Variants in ATP8B3 observed in about 807,000 individuals in gnomAD.
The protein encoded by ATP8B3 is ATPase phospholipid transporting 8B3, also known as phospholipid-transporting ATPase IK.
In ATP8B3, 141 loss-of-function variants were observed where a neutral mutation model predicts 140.9. That is an observed-to-expected ratio of 1.00 (90% CI 0.87 to 1.15). The LOEUF is 1.15. Among genes scored for constraint, ATP8B3 ranks in the 50% most tolerant of loss-of-function variants. The pLI is 0.00. For synonymous variants in ATP8B3, 765 were observed against 714.6 expected, an observed-to-expected ratio of 1.07 and a Z score of -1.13; for missense variants, 1,874 against 1,740.6, an observed-to-expected ratio of 1.08 and a Z score of -1.36.
intron 4 of ATP8B3, among the ~76,000 whole-genome samples, 150 bp downstream of exon 4, chr19:1,809,489 AAAAG>A (rs1275050312): frequency 2.0e-5 from 3 of 152,028 alleles, no homozygotes; most frequent in Middle Eastern, 3.2e-3. Flanking sequence ...TCAAAAAAAA[AAAAG>A]AAAGAAAGAA....
In ATP8B3 at chr19:1,796,796, G is replaced by A. The variant is rs369043090; in HGVS notation, c.1668C>T (p.Asn556=). 5.3e-5 allele frequency: 86 copies of A among 1,612,418 alleles called. No homozygotes were observed. The highest frequency in any genetic ancestry group is 1.5e-4 in the South Asian group (14 of 91,076). ...AGAACTCCCGCACGGCCTCGTCCCCGTTGGTCCGCACGAGGTGCAGCAGGG... is the reference window on the plus strand; with the variant it reads ...AGAACTCCCGCACGGCCTCGTCCCCATTGGTCCGCACGAGGTGCAGCAGGG... The part of the protein sequence containing the change: ...NAALLHLVRT[N]GDEAVREFWR... The change falls in exon 16 of 29, where the codon AAC becomes AAT. Residue 556 remains asparagine (N), a synonymous_variant. Coordinates refer to ENST00000310127, the MANE Select transcript of ATP8B3 (RefSeq NM_138813.4).
At chr19:1,792,536 C>T (rs113452714) in intron 18 of ATP8B3, among the ~76,000 whole-genome samples, 11,913 of 148,542 alleles carry the variant, frequency 0.08, 1,321 homozygotes, top group African/African-American at 0.25. Flanking sequence ...GCTGAGATCA[C>T]ACCACTGCAC....
In ATP8B3 at chr19:1,806,199, C is replaced by A; in HGVS notation, c.678-30G>T. 6.4e-7 allele frequency: 1 copy of A among 1,562,438 alleles called. No individual in the cohort carries two copies. The highest frequency in any genetic ancestry group is 1.2e-5 in the South Asian group (1 of 85,130). ...GGGGAGAGGGGGTTGTGAAGGAGGC[C>A]CCTCCCTCTGCCAACCCTCCCCACA... On this transcript the variant is annotated intron_variant, in intron 7 of 28. Coordinates refer to ENST00000310127, the MANE Select transcript of ATP8B3 (RefSeq NM_138813.4). This position sits in a 1 kb window ranked among gnomAD's most constrained non-coding sequence, Gnocchi z 5.6.
In ATP8B3 at chr19:1,789,797, C is replaced by A. The variant is rs1471624883; in HGVS notation, c.2479-70G>T. The A allele has an allele frequency of 2.6e-6, 4 of 1,568,496 alleles. No individual in the cohort carries two copies. The African/African-American group carries it at 4.0e-5, about 16-fold the overall frequency. ...GCCAGACTGGACCCTACCCGGCCCT[C>A]GGCCTCGCCAGCAGTCCCCACCCCG... On this transcript the variant is annotated intron_variant, in intron 22 of 28. Coordinates refer to ENST00000310127, the MANE Select transcript of ATP8B3 (RefSeq NM_138813.4).
chr19:1,811,961 G>GC, intron 1 of ATP8B3, 77 bp from the exon 2 acceptor site: 2 of 570,718 alleles, frequency 3.5e-6, no homozygotes, highest in South Asian at 2.5e-5. Context: ...TTACTCGGAA[G>GC]CCCCCCACCC....
rs1386529667 is a variant in ATP8B3 at position 1,806,720 on chromosome 19, C to T, written c.616-31G>A. 7.1e-6 allele frequency: 11 copies of T among 1,550,408 alleles called. No homozygotes were observed. The highest frequency in any genetic ancestry group is 1.7e-4 in the Middle Eastern group (1 of 5,986). ...CCAGGAGGGAAAGGATCAGAGAGAC[C>T]GTCCAGCCTCTCCTGCCCCCGCCCA... On this transcript the variant is annotated intron_variant, in intron 6 of 28. Coordinates refer to ENST00000310127, the MANE Select transcript of ATP8B3 (RefSeq NM_138813.4). The surrounding 1 kb of genome is among the most constrained non-coding windows in gnomAD (Gnocchi z 5.6).
In ATP8B3 at chr19:1,799,988, A is replaced by T. The variant is rs1224206540; in HGVS notation, c.1511T>A (p.Ile504Asn). 2 of 1,606,260 alleles carry T rather than the reference A, an allele frequency of 1.2e-6. No individual in the cohort carries two copies. The highest frequency in any genetic ancestry group is 1.7e-6 in the Non-Finnish European group (2 of 1,176,708). Residue 504 changes from isoleucine (I) to asparagine (N), a missense_variant, in exon 14 of 29, where the codon ATC becomes AAC. Transcript: ENST00000310127. ...SDKTGTLTQNILTFNKCCISG... is the reference protein window; with the variant it reads ...SDKTGTLTQNNLTFNKCCISG... The stretch of plus-strand genomic sequence containing the variant: ...GATGCAGCACTTGTTGAAGGTCAAG[A>T]TGTTCTGCGTGAGCGTGCCCGTCTT...
intron 12 of ATP8B3, among the ~76,000 whole-genome samples, chr19:1,801,549 G>A (rs1017153917): frequency 2.0e-5 from 3 of 152,082 alleles, no homozygotes; most frequent in African/African-American, 2.4e-5. Context: ...TCAGGAGTTC[G>A]AGACCAGCCT....
At chr19:1,790,681 T>G in intron 21 of ATP8B3, 76 bp downstream of exon 21, 68 of 976,660 alleles carry the variant, frequency 7.0e-5, no homozygotes, top group Non-Finnish European at 7.8e-5. Context: ...CCCCGTCCAG[T>G]GAGACACGCA....
At chr19:1,799,595 A>G in intron 14 of ATP8B3, 1 of 489,416 alleles carries the variant, frequency 2.0e-6, no homozygotes, top group Non-Finnish European at 3.6e-6. Context: ...GTGAAACCCC[A>G]TCTCTGCTAA....
chr19:1,788,756 T>C (rs967338925), intron 24 of ATP8B3, 141 bp downstream of exon 24: 2 of 788,754 alleles, frequency 2.5e-6, no homozygotes, highest in African/African-American at 3.5e-5. Flanking sequence ...TAACGCAGCC[T>C]TGCCATGTGG....
intron 14 of ATP8B3, among the ~76,000 whole-genome samples, chr19:1,797,687 A>AGG (rs2068724881): frequency 6.6e-6 from 1 of 151,536 alleles, no homozygotes; most frequent in African/African-American, 2.4e-5. Context: ...TTTAGTAGAG[A>AGG]TGGGGTTTCA....
intron 20 of ATP8B3, among the ~76,000 whole-genome samples, chr19:1,791,043 C>T (rs2068492466): frequency 1.3e-5 from 2 of 152,216 alleles, no homozygotes; most frequent in Admixed American, 6.5e-5. Flanking sequence ...CTGGCCGGGA[C>T]TGGGCTGCCC....
Position 1,790,864 on chromosome 19 carries a change from A to ACCCGC in ATP8B3, c.2303-37_2303-33dup, listed in dbSNP as rs746804587. 23 of 1,552,240 alleles carry ACCCGC rather than the reference A, an allele frequency of 1.5e-5. No homozygotes were observed. In the South Asian group the frequency reaches 2.7e-4, roughly 18 times the overall value. On this transcript the variant is annotated intron_variant, in intron 20 of 28. Coordinates refer to ENST00000310127, the MANE Select transcript of ATP8B3 (RefSeq NM_138813.4). ...AGCAGACCAGCTCAGCGCCTCTGCG[A>ACCCGC]CCCGCCCCGCACTGGCTGCCTGGGG...
chr19:1,783,610 C>T (rs924930176), intron 28 of ATP8B3, among the ~76,000 whole-genome samples: 1 of 152,220 alleles, frequency 6.6e-6, no homozygotes, highest in African/African-American at 2.4e-5. Context: ...AGAGTCCTTC[C>T]CCGACTCTGG....
Position 1,810,647 on chromosome 19 carries a change from A to G in ATP8B3, c.285T>C (p.Asp95=), listed in dbSNP as rs1459416725. The G allele has an allele frequency of 6.2e-7, 1 of 1,612,746 alleles. No individual in the cohort carries two copies. Among genetic ancestry groups the G allele is most frequent in the Admixed American group, 1.7e-5 (1 of 59,908 alleles). ...TSMGSLGQRE[D]LQDEDRNSAF... is the part of the protein sequence containing the mutation. The stretch of plus-strand genomic sequence containing the variant: ...CTGAGTTCCTGTCCTCATCTTGGAG[A>G]TCTTCTCTCTGGCCGAGGCTGCCCA... Residue 95 remains aspartate, a synonymous_variant, in exon 3 of 29, where the codon GAT becomes GAC. Transcript: ENST00000310127.
chr19:1,792,524 G>A lies in ATP8B3; in HGVS notation c.2056-389C>T, dbSNP rs568923474. On this transcript the variant is annotated intron_variant, in intron 18 of 28. Transcript: ENST00000310127. The stretch of plus-strand genomic sequence containing the variant: ...GAACTTGGGAGGCGGAGGTTGCAGC[G>A]AGCTGAGATCACACCACTGCACTCC... 1.4e-4 allele frequency among the ~76,000 whole-genome samples: 21 copies of A among 149,986 alleles called. No individual in the cohort carries two copies. The South Asian group carries it at 4.0e-3, about 29-fold the overall frequency.
chr19:1,796,596 C>T lies in ATP8B3; in HGVS notation c.1753+115G>A, dbSNP rs922623677. The T allele has an allele frequency of 4.4e-6, 6 of 1,351,176 alleles. No individual in the cohort carries two copies. In the African/African-American group the frequency reaches 5.8e-5, roughly 13 times the overall value. 83.7% of individuals were successfully genotyped at this position (1,351,176 alleles called of 1,614,324 possible). On this transcript the variant is annotated intron_variant, in intron 16 of 28. Transcript: ENST00000310127. The stretch of plus-strand genomic sequence containing the variant: ...GGCTGGTGTCACACCGGCCTCAGCG[C>T]CCCCCAAGCCAGCTGAAAGCCCTGG...
intron 3 of ATP8B3, among the ~76,000 whole-genome samples, chr19:1,810,012 C>A (rs747772888): frequency 1.3e-5 from 2 of 152,210 alleles, no homozygotes; most frequent in East Asian, 1.9e-4. Flanking sequence ...CCTGGGAGAC[C>A]GTTCAGGCCT....
Sources: allele counts gnomAD v4.1 joint callset (sites outside exome capture counted in the v4.1 genomes callset), GRCh38; gene constraint gnomAD v4.1.1; non-coding constraint Gnocchi (gnomAD v3.1); transcripts MANE v1.5; gene names NCBI Gene and HGNC (gene_info 2026-07-23, HGNC 2026-07-21).